The following HHAT variants were observed in gnomAD, a reference collection of about 807,000 sequenced individuals.
HHAT encodes hedgehog acyltransferase, also known as protein-cysteine N-palmitoyltransferase HHAT.
In HHAT, 47 loss-of-function variants were observed where a neutral mutation model predicts 70.8. The observed-to-expected ratio is 0.66, with a 90% CI of 0.53 to 0.85. The LOEUF (loss-of-function observed/expected upper bound fraction) is 0.85, where lower values mean the gene tolerates loss of function less well. Among genes scored for constraint, HHAT ranks in the 40% least tolerant of loss-of-function variants. The pLI is 0.00. For missense variants in HHAT, 609 were observed against 604.8 expected, an observed-to-expected ratio of 1.01 and a Z score of -0.07; for synonymous variants, 228 against 247.6, an observed-to-expected ratio of 0.92 and a Z score of 0.74.
intron 10 of HHAT, among the ~76,000 whole-genome samples, chr1:210,596,653 C>T (rs1386462510): frequency 6.6e-6 from 1 of 151,982 alleles, no homozygotes; most frequent in African/African-American, 2.4e-5. Flanking sequence ...TTCAGAATTC[C>T]TGCTTGATTC....
intron 11 of HHAT, among the ~76,000 whole-genome samples, chr1:210,624,023 T>C (rs1669380716): frequency 6.6e-6 from 1 of 152,210 alleles, no homozygotes; most frequent in Non-Finnish European, 1.5e-5. Flanking sequence ...AAAACTCATG[T>C]TGAAACTTAA....
At chr1:210,548,551 A>G (rs2095503069) in intron 9 of HHAT, among the ~76,000 whole-genome samples, 1 of 152,212 alleles carries the variant, frequency 6.6e-6, no homozygotes, top group African/African-American at 2.4e-5. Context: ...AGGTGGGGAC[A>G]GGCACCCAGA....
chr1:210,578,778 A>G (rs992014219), intron 9 of HHAT, among the ~76,000 whole-genome samples: 3 of 152,244 alleles, frequency 2.0e-5, no homozygotes, highest in Admixed American at 6.5e-5. Context: ...AAGGCGAAAT[A>G]AGCCCATAAC....
chr1:210,604,233 C>T (rs542895343), intron 10 of HHAT, among the ~76,000 whole-genome samples: 97 of 139,856 alleles, frequency 6.9e-4, no homozygotes, highest in African/African-American at 2.4e-3. Context: ...GTGCATGCCA[C>T]CAAGCCCAGC....
intron 7 of HHAT, among the ~76,000 whole-genome samples, chr1:210,460,587 T>C (rs1318699323): frequency 6.6e-6 from 1 of 152,194 alleles, no homozygotes; most frequent in Non-Finnish European, 1.5e-5. Context: ...ACCGTAACAC[T>C]CTATAAGGGC....
chr1:210,619,388 C>A (rs148561802), intron 10 of HHAT, among the ~76,000 whole-genome samples: 39 of 152,282 alleles, frequency 2.6e-4, no homozygotes, highest in African/African-American at 9.1e-4. Context: ...CCTCCTCACT[C>A]TCCATGTGAT....
Position 210,524,324 on chromosome 1 carries a change from G to A in HHAT, c.1043+11136G>A, listed in dbSNP as rs12563133. 9.2e-5 allele frequency among the ~76,000 whole-genome samples: 14 copies of A among 152,332 alleles called. 2 individuals are homozygous for A. In the South Asian group the frequency reaches 2.3e-3, roughly 25 times the overall value. On this transcript the variant is annotated intron_variant, in intron 9 of 11. Transcript: ENST00000261458. ...ACTGTCATTCCCTTGATGTGATGGA[G>A]GGTGCAGGTGTGAGTGCCGTGTTTG...
chr1:210,346,344 G>A (rs901468754), intron 1 of HHAT, among the ~76,000 whole-genome samples: 10 of 152,246 alleles, frequency 6.6e-5, no homozygotes, highest in African/African-American at 2.4e-4. Flanking sequence ...TGACAGGCGA[G>A]ACATTAAATT....
chr1:210,530,611 C>CG (rs1257469398), intron 9 of HHAT, among the ~76,000 whole-genome samples: 1 of 151,938 alleles, frequency 6.6e-6, no homozygotes, highest in Admixed American at 6.6e-5. Context: ...AGACAAAGGC[C>CG]GGGAGAGATG....
At chr1:210,369,822 G>C (rs568458399) in intron 3 of HHAT, 8 of 152,390 alleles carry the variant, frequency 5.2e-5, no homozygotes, top group African/African-American at 1.9e-4. Flanking sequence ...ACCTGGATTT[G>C]AGTGAAATAA....
intron 2 of HHAT, among the ~76,000 whole-genome samples, chr1:210,352,733 C>T (rs946122757): frequency 6.6e-6 from 1 of 152,100 alleles, no homozygotes; most frequent in African/African-American, 2.4e-5. Context: ...AGGGACTCAA[C>T]AGAATACCCC....
Position 210,362,911 on chromosome 1 carries a change from T to TTAAAG in HHAT, c.152_156dup (p.Lys53Ter). Reference sequence around the variant, plus strand: ...GGAGACTGACACTTTATTTGGAGGATTAAAGAAGGTACAAAGTGGATGCAT... The same window carrying TTAAAG: ...GGAGACTGACACTTTATTTGGAGGATTAAAGTAAAGAAGGTACAAAGTGGATGCAT... On this transcript the variant is annotated frameshift_variant, in exon 3 of 12. Transcript: ENST00000261458. LOFTEE classifies it high-confidence loss of function. The TTAAAG allele has an allele frequency of 2.5e-6, 4 of 1,610,792 alleles. No individual in the cohort carries two copies. Among genetic ancestry groups the TTAAAG allele is most frequent in the Non-Finnish European group, 3.4e-6 (4 of 1,177,074 alleles).
intron 7 of HHAT, among the ~76,000 whole-genome samples, chr1:210,460,520 C>A (rs999479989): frequency 3.3e-5 from 5 of 152,094 alleles, no homozygotes; most frequent in Admixed American, 1.3e-4. Flanking sequence ...TGTTGCCTGT[C>A]CTCGGGGTGT....
intron 4 of HHAT, among the ~76,000 whole-genome samples, chr1:210,391,255 A>G (rs1041783355): frequency 6.6e-6 from 1 of 152,228 alleles, no homozygotes; most frequent in Non-Finnish European, 1.5e-5. Context: ...ACTAGAAAGT[A>G]TACATATACT....
At chr1:210,471,985 C>T (rs775170302) in intron 8 of HHAT, among the ~76,000 whole-genome samples, 33 of 152,012 alleles carry the variant, frequency 2.2e-4, no homozygotes, top group African/African-American at 7.7e-4. Context: ...ACAGATAATC[C>T]GGGGAAATGG....
At position 210,518,529 on chromosome 1, in the gene HHAT, G is replaced by A. The variant is rs184870708; in HGVS notation, c.1043+5341G>A. On this transcript the variant is annotated intron_variant, in intron 9 of 11. Transcript: ENST00000261458. ...TATTTGGCCCCAGGCACGGTGGCTC[G>A]CACCTGTAATCCCAGCACTTTGGGA... Among the ~76,000 whole-genome samples, 460 of 152,160 alleles carry A rather than the reference G, an allele frequency of 3.0e-3. 10 individuals carry two copies. The highest frequency in any genetic ancestry group is 0.027 in the Admixed American group (413 of 15,276).
At chr1:210,509,574 C>A (rs1558055398) in intron 8 of HHAT, among the ~76,000 whole-genome samples, 1 of 152,206 alleles carries the variant, frequency 6.6e-6, no homozygotes, top group Non-Finnish European at 1.5e-5. Flanking sequence ...ATAATAGTAT[C>A]TATCTACCTC....
At position 210,491,233 on chromosome 1, in the gene HHAT, C is replaced by T. The variant is rs560582602; in HGVS notation, c.1008-21920C>T. ...GCTTTGCAGGCCCATCACCATCTCTCGGAACTGGCCTCCCACCTCACTCTT... is the reference window on the plus strand; with the variant it reads ...GCTTTGCAGGCCCATCACCATCTCTTGGAACTGGCCTCCCACCTCACTCTT... On this transcript the variant is annotated intron_variant, in intron 8 of 11. Transcript: ENST00000261458. 4.6e-5 allele frequency among the ~76,000 whole-genome samples: 7 copies of T among 152,254 alleles called. No homozygotes were observed. The South Asian group carries it at 1.5e-3, about 32-fold the overall frequency.
At chr1:210,468,334 A>G (rs2094142798) in intron 8 of HHAT, among the ~76,000 whole-genome samples, 2 of 152,188 alleles carry the variant, frequency 1.3e-5, no homozygotes, top group African/African-American at 2.4e-5. Context: ...ATTTCTAGCT[A>G]TGGAAGCAAA....
Sources: gnomAD v4.1 joint callset for allele counts (sites outside exome capture counted in the v4.1 genomes callset) on GRCh38, gnomAD v4.1.1 for gene constraint, MANE v1.5 for transcripts, NCBI Gene and HGNC (gene_info 2026-07-23, HGNC 2026-07-21) for gene names.